ZBTB7C: variants seen among roughly 807,000 people sequenced by gnomAD.
The protein encoded by ZBTB7C is zinc finger and BTB domain-containing protein 7C.
A neutral mutation model predicts 25.7 loss-of-function variants in ZBTB7C; 8 were observed. The observed-to-expected ratio is 0.31, with a 90% CI of 0.18 to 0.56. The LOEUF (loss-of-function observed/expected upper bound fraction) is 0.56, where lower values mean the gene tolerates loss of function less well. ZBTB7C is among the 20% of genes least tolerant of loss of function. The pLI, the probability that ZBTB7C is intolerant of heterozygous loss-of-function variation, is 0.91. For synonymous variants in ZBTB7C, 394 were observed against 369.0 expected, an observed-to-expected ratio of 1.07 and a Z score of -0.78; for missense variants, 824 against 855.2, an observed-to-expected ratio of 0.96 and a Z score of 0.46.
chr18:48,341,091 C>A (rs1361989499), intron 1 of ZBTB7C, among the ~76,000 whole-genome samples: 1 of 152,214 alleles, frequency 6.6e-6, no homozygotes, highest in African/African-American at 2.4e-5. Context: ...TCCTTTGGAG[C>A]TGGAACTGAG....
chr18:48,234,831 T>C (rs556087528), intron 2 of ZBTB7C, among the ~76,000 whole-genome samples: 1 of 152,326 alleles, frequency 6.6e-6, no homozygotes, highest in South Asian at 2.1e-4. Flanking sequence ...TATCCATTTT[T>C]CCCTGTAGCT....
At chr18:48,128,190 G>A (rs1039956990) in intron 3 of ZBTB7C, among the ~76,000 whole-genome samples, 1 of 152,128 alleles carries the variant, frequency 6.6e-6, no homozygotes, top group Non-Finnish European at 1.5e-5. Context: ...GCCCCGAACC[G>A]ACTGCTCCCC....
intron 3 of ZBTB7C, among the ~76,000 whole-genome samples, chr18:48,068,704 C>G (rs1277567519): frequency 6.6e-6 from 1 of 152,152 alleles, no homozygotes. Context: ...GGGCCCCATC[C>G]AGGACCTAAG....
At chr18:48,084,799 C>T (rs936626815) in intron 3 of ZBTB7C, among the ~76,000 whole-genome samples, 4 of 152,162 alleles carry the variant, frequency 2.6e-5, no homozygotes, top group African/African-American at 9.7e-5. Flanking sequence ...CTTGGCAAGG[C>T]AGAGACAGAA....
intron 2 of ZBTB7C, among the ~76,000 whole-genome samples, chr18:48,248,856 TAATAAA>T (rs1243401143): frequency 6.6e-6 from 1 of 152,076 alleles, no homozygotes; most frequent in East Asian, 1.9e-4. Flanking sequence ...AGCTTTTCTG[TAATAAA>T]AATAAAAATT....
At chr18:48,180,114 T>TCCTTCCTTCCTTCCTTCCTTC (rs1478210841) in intron 3 of ZBTB7C, among the ~76,000 whole-genome samples, 44 of 106,430 alleles carry the variant, frequency 4.1e-4, no homozygotes, top group South Asian at 2.8e-3. Context: ...TTCCTTCCTT[T>TCCTTCCTTCCTTCCTTCCTTC]CCTTCCTTCC....
chr18:48,373,841 G>A (rs535356385), intron 1 of ZBTB7C, among the ~76,000 whole-genome samples: 5 of 152,096 alleles, frequency 3.3e-5, no homozygotes, highest in Non-Finnish European at 4.4e-5. Context: ...GGGGCCTGTA[G>A]TCCCAGCTAC....
chr18:48,307,763 G>A (rs2045711206), intron 2 of ZBTB7C, among the ~76,000 whole-genome samples: 1 of 152,168 alleles, frequency 6.6e-6, no homozygotes, highest in Non-Finnish European at 1.5e-5. Context: ...AAGGAGAATT[G>A]CTTGAACCTG....
intron 1 of ZBTB7C, among the ~76,000 whole-genome samples, chr18:48,392,589 G>A (rs966456646): frequency 6.6e-6 from 1 of 152,190 alleles, no homozygotes; most frequent in Non-Finnish European, 1.5e-5. Flanking sequence ...CTGAAAATCA[G>A]TGAGTGTTAC....
At chr18:48,251,998 C>T (rs2043873308) in intron 2 of ZBTB7C, among the ~76,000 whole-genome samples, 1 of 152,196 alleles carries the variant, frequency 6.6e-6, no homozygotes. Context: ...TGGGTATTTA[C>T]CCCAGACAAT....
At chr18:48,127,624 C>T (rs2039847275) in intron 3 of ZBTB7C, among the ~76,000 whole-genome samples, 1 of 152,208 alleles carries the variant, frequency 6.6e-6, no homozygotes, top group South Asian at 2.1e-4. Flanking sequence ...TCCCAGGGCC[C>T]CACTGTTCTC....
At chr18:48,208,033 T>A (rs1599104667) in intron 2 of ZBTB7C, among the ~76,000 whole-genome samples, 1 of 112,860 alleles carries the variant, frequency 8.9e-6, no homozygotes, top group African/African-American at 3.4e-5. Flanking sequence ...GGTAGGGGGG[T>A]GTGTTGGGGG....
At chr18:48,064,195 G>A (rs1251105904) in intron 3 of ZBTB7C, among the ~76,000 whole-genome samples, 2 of 152,218 alleles carry the variant, frequency 1.3e-5, no homozygotes, top group African/African-American at 4.8e-5. Context: ...TCCACCAGCA[G>A]AGTGTGATGC....
intron 3 of ZBTB7C, among the ~76,000 whole-genome samples, chr18:48,144,575 A>G (rs755336963): frequency 4.6e-5 from 7 of 152,036 alleles, no homozygotes; most frequent in Non-Finnish European, 1.0e-4. Flanking sequence ...CAAACTCCTG[A>G]ACTCAAGCCA....
intron 2 of ZBTB7C, among the ~76,000 whole-genome samples, chr18:48,228,202 G>A (rs905038577): frequency 4.6e-5 from 7 of 152,118 alleles, no homozygotes; most frequent in African/African-American, 1.7e-4. Flanking sequence ...ATAAATAGCA[G>A]TCCCAAGAGT....
chr18:48,310,556 C>CTG (rs140409364), intron 2 of ZBTB7C, among the ~76,000 whole-genome samples: 41 of 151,096 alleles, frequency 2.7e-4, no homozygotes, highest in African/African-American at 4.4e-4. Context: ...GTGTGTGTGT[C>CTG]TGTGTGTGTG....
intron 1 of ZBTB7C, among the ~76,000 whole-genome samples, chr18:48,366,857 A>G (rs2047232730): frequency 6.6e-6 from 1 of 152,122 alleles, no homozygotes; most frequent in South Asian, 2.1e-4. Context: ...CCACTACCAT[A>G]TATGTGAAAG....
chr18:48,096,193 C>A (rs574054783), intron 3 of ZBTB7C, among the ~76,000 whole-genome samples: 1 of 152,286 alleles, frequency 6.6e-6, no homozygotes, highest in Admixed American at 6.5e-5. Context: ...GTGCCAATTG[C>A]AAGCATCTGA....
At position 48,331,434 on chromosome 18, in the gene ZBTB7C, A is replaced by G. The variant is rs565237087; in HGVS notation, c.-79+6740T>C. On this transcript the variant is annotated intron_variant, in intron 2 of 4. Transcript: ENST00000590800. Reference sequence around the variant, plus strand: ...GAATCTGAGTGGCTGCCCAATGACTAGTGAGTAACCAGAAACAGTTCTGGA... The same window carrying G: ...GAATCTGAGTGGCTGCCCAATGACTGGTGAGTAACCAGAAACAGTTCTGGA... 2.0e-5 allele frequency among the ~76,000 whole-genome samples: 3 copies of G among 152,356 alleles called. No homozygotes were observed. In the East Asian group the frequency reaches 5.8e-4, roughly 29 times the overall value.
Sources: gnomAD v4.1 joint callset for allele counts (sites outside exome capture counted in the v4.1 genomes callset) on GRCh38, gnomAD v4.1.1 for gene constraint, MANE v1.5 for transcripts, NCBI Gene and HGNC (gene_info 2026-07-23, HGNC 2026-07-21) for gene names.